Variants in KIAA1328 observed in about 807,000 individuals in gnomAD.
KIAA1328 encodes the protein protein hinderin.
Under a neutral mutation model 68.1 loss-of-function variants are expected in KIAA1328, and 52 were observed. That is an observed-to-expected ratio of 0.76 (90% CI 0.61 to 0.96). The LOEUF (loss-of-function observed/expected upper bound fraction) is 0.96, where lower values mean the gene tolerates loss of function less well. KIAA1328 is among the 40% of genes least tolerant of loss of function. The pLI is 0.00. For synonymous variants in KIAA1328, 232 were observed against 239.4 expected (o/e 0.97, Z 0.28); for missense variants, 641 against 677.6 (o/e 0.95, Z 0.60).
rs529970811 is a variant in KIAA1328, at chr18:37,026,015, C to T, written c.577-40875C>T. Among the ~76,000 whole-genome samples, 28 of 152,010 alleles carry T rather than the reference C, an allele frequency of 1.8e-4. No individual in the cohort carries two copies. In the South Asian group the frequency reaches 3.5e-3, roughly 19 times the overall value. ...GAAGAAAAGAGAAGAATCCAATAGA[C>T]GCAATAAAAAATGATAAAAGGGGAT... On this transcript the variant is annotated intron_variant, in intron 6 of 9. Coordinates refer to ENST00000280020, the MANE Select transcript of KIAA1328 (RefSeq NM_020776.3).
chr18:37,185,413 A>T (rs2059776937), intron 9 of KIAA1328, among the ~76,000 whole-genome samples: 1 of 152,144 alleles, frequency 6.6e-6, no homozygotes, highest in African/African-American at 2.4e-5. Flanking sequence ...CAACCAAAAG[A>T]CATAGAAAAA....
chr18:36,831,950 C>CA (rs1162523851), intron 1 of KIAA1328, among the ~76,000 whole-genome samples: 3 of 151,854 alleles, frequency 2.0e-5, no homozygotes, highest in African/African-American at 7.3e-5. Flanking sequence ...AAATAGCACA[C>CA]AAAAAAATAC....
At chr18:36,957,136 T>C (rs1363058966) in intron 5 of KIAA1328, among the ~76,000 whole-genome samples, 3 of 152,196 alleles carry the variant, frequency 2.0e-5, no homozygotes, top group Admixed American at 6.5e-5. Context: ...GCAGTCATGA[T>C]TGGCAAAAGT....
At chr18:36,918,334 C>G (rs2151097366) in intron 5 of KIAA1328, among the ~76,000 whole-genome samples, 1 of 151,706 alleles carries the variant, frequency 6.6e-6, no homozygotes, top group East Asian at 1.9e-4. Context: ...TTATTTCCTT[C>G]CTTCCATTTA....
chr18:37,057,803 T>A (rs1305965274), intron 6 of KIAA1328, among the ~76,000 whole-genome samples: 1 of 152,058 alleles, frequency 6.6e-6, no homozygotes, highest in Non-Finnish European at 1.5e-5. Context: ...CCATTGTCCA[T>A]GTATTATCTC....
chr18:37,098,266 G>T (rs2057477504), intron 7 of KIAA1328, among the ~76,000 whole-genome samples: 1 of 152,212 alleles, frequency 6.6e-6, no homozygotes, highest in Admixed American at 6.5e-5. Flanking sequence ...CTAATTTATT[G>T]AGAGTTTTTA....
intron 7 of KIAA1328, among the ~76,000 whole-genome samples, chr18:37,121,404 T>C (rs2058264809): frequency 1.3e-5 from 2 of 150,660 alleles, no homozygotes; most frequent in Non-Finnish European, 3.0e-5. Context: ...AAGTGTGCCA[T>C]CATTTTAGGA....
At chr18:37,085,345 C>T (rs566187503) in intron 7 of KIAA1328, among the ~76,000 whole-genome samples, 47 of 152,236 alleles carry the variant, frequency 3.1e-4, no homozygotes, top group Admixed American at 2.7e-3. Context: ...TACTGTGTTG[C>T]CAGAGTTTGT....
chr18:37,186,566 A>C (rs1394264607), intron 9 of KIAA1328, among the ~76,000 whole-genome samples: 1 of 45,884 alleles, frequency 2.2e-5, no homozygotes, highest in Non-Finnish European at 4.0e-5. Flanking sequence ...AACCCTATCA[A>C]AAAAAAAAAA....
chr18:37,010,474 A>C (rs2053941584), intron 6 of KIAA1328, among the ~76,000 whole-genome samples: 2 of 146,016 alleles, frequency 1.4e-5, no homozygotes, highest in Non-Finnish European at 3.0e-5. Flanking sequence ...AAAAAAAGAT[A>C]TCCTAAAAGG....
At chr18:37,021,791 C>T (rs374226487) in intron 6 of KIAA1328, among the ~76,000 whole-genome samples, 45 of 152,138 alleles carry the variant, frequency 3.0e-4, no homozygotes, top group African/African-American at 1.0e-3. Context: ...AAATACCCAG[C>T]ACTTTGGGAG....
At chr18:36,857,032 G>A (rs1014524953) in intron 4 of KIAA1328, among the ~76,000 whole-genome samples, 3 of 152,092 alleles carry the variant, frequency 2.0e-5, no homozygotes, top group African/African-American at 7.2e-5. Context: ...CTAATCTGAT[G>A]TATTCCTTCA....
At position 36,884,400 on chromosome 18, in the gene KIAA1328, G is replaced by A. The variant is rs75167131; in HGVS notation, c.333-1157G>A. On this transcript the variant is annotated intron_variant, in intron 4 of 9. Coordinates refer to ENST00000280020, the MANE Select transcript of KIAA1328 (RefSeq NM_020776.3). ...AAATGACTTGAATGCTATGATAAGC[G>A]AGAAGAAATCACCCTATTTATTGAG... Among the ~76,000 whole-genome samples the A allele has an allele frequency of 7.0e-3, 1,060 of 152,226 alleles. 18 individuals carry two copies. The highest frequency in any genetic ancestry group is 0.024 in the African/African-American group (1,005 of 41,546).
chr18:36,845,394 T>A (rs2046993700), intron 4 of KIAA1328, among the ~76,000 whole-genome samples: 1 of 151,638 alleles, frequency 6.6e-6, no homozygotes, highest in Admixed American at 6.6e-5. Context: ...TGATGAGGAG[T>A]TATTAAATAT....
chr18:37,030,013 C>T (rs1039954968), intron 6 of KIAA1328, among the ~76,000 whole-genome samples: 9 of 152,024 alleles, frequency 5.9e-5, no homozygotes, highest in Non-Finnish European at 1.2e-4. Context: ...GCATAACATT[C>T]CTTTATTATC....
intron 6 of KIAA1328, among the ~76,000 whole-genome samples, chr18:36,977,365 A>G (rs542295867): frequency 1.1e-4 from 17 of 152,294 alleles, no homozygotes; most frequent in Admixed American, 2.0e-4. Context: ...TTGTCAATCT[A>G]TTGCTCTGTT....
intron 7 of KIAA1328, among the ~76,000 whole-genome samples, chr18:37,143,964 C>T (rs2058838886): frequency 6.6e-6 from 1 of 152,086 alleles, no homozygotes; most frequent in African/African-American, 2.4e-5. Context: ...GTATTTCCTC[C>T]TCTTCTATAT....
chr18:37,219,201 G>A (rs1051673584), intron 9 of KIAA1328, among the ~76,000 whole-genome samples: 1 of 152,188 alleles, frequency 6.6e-6, no homozygotes, highest in Non-Finnish European at 1.5e-5. Flanking sequence ...CCTTCCTCTG[G>A]AAGCTTCATC....
chr18:37,179,255 A>G (rs903077946), intron 9 of KIAA1328, among the ~76,000 whole-genome samples: 2 of 152,126 alleles, frequency 1.3e-5, no homozygotes, highest in Non-Finnish European at 2.9e-5. Flanking sequence ...ATCTGATGAG[A>G]GATAGGGAGT....
Sources: gnomAD v4.1 joint callset for allele counts (sites outside exome capture counted in the v4.1 genomes callset) on GRCh38, gnomAD v4.1.1 for gene constraint, MANE v1.5 for transcripts, NCBI Gene and HGNC (gene_info 2026-07-23, HGNC 2026-07-21) for gene names.